TENM4: variants seen among roughly 807,000 people sequenced by gnomAD.
The protein encoded by TENM4 is teneurin transmembrane protein 4.
In TENM4, 82 loss-of-function variants were observed where a neutral mutation model predicts 243.3. That is an observed-to-expected ratio of 0.34 (90% CI 0.28 to 0.40). The LOEUF (loss-of-function observed/expected upper bound fraction) is 0.40. Among genes scored for constraint, TENM4 ranks in the 10% least tolerant of loss-of-function variants. The probability of loss-of-function intolerance (pLI) is 1.00; values close to 1 mark genes in which losing one functional copy is unlikely to be tolerated. For synonymous variants in TENM4, 1,412 were observed against 1,456.3 expected, an observed-to-expected ratio of 0.97 and a Z score of 0.69; for missense variants, 3,138 against 3,673.3, an observed-to-expected ratio of 0.85 and a Z score of 3.77.
At chr11:78,693,194 G>A (rs1489963812) in intron 28 of TENM4, among the ~76,000 whole-genome samples, 2 of 152,164 alleles carry the variant, frequency 1.3e-5, no homozygotes, top group African/African-American at 4.8e-5. Flanking sequence ...GCCTTTCCTT[G>A]TCCAAATGAG....
chr11:79,327,042 G>A (rs1435704107), intron 1 of TENM4, among the ~76,000 whole-genome samples: 1 of 152,084 alleles, frequency 6.6e-6, no homozygotes, highest in Non-Finnish European at 1.5e-5. Context: ...TAAATATATG[G>A]TTTGCCCTGA....
intron 30 of TENM4, among the ~76,000 whole-genome samples, chr11:78,675,342 A>G (rs1367508971): frequency 6.6e-6 from 1 of 152,224 alleles, no homozygotes; most frequent in Non-Finnish European, 1.5e-5. Context: ...CTGGAATGTT[A>G]GGAACATGTA....
At chr11:79,234,418 T>C (rs1864426679) in intron 2 of TENM4, among the ~76,000 whole-genome samples, 1 of 152,208 alleles carries the variant, frequency 6.6e-6, no homozygotes, top group African/African-American at 2.4e-5. Context: ...CTTATGTCAG[T>C]TCTTACTGGC....
chr11:79,055,367 G>C (rs1051180504), intron 6 of TENM4, among the ~76,000 whole-genome samples: 34 of 152,102 alleles, frequency 2.2e-4, no homozygotes, highest in South Asian at 8.3e-4. Context: ...TCAGCTTCCT[G>C]AGTAGCTGGG....
intron 2 of TENM4, among the ~76,000 whole-genome samples, chr11:79,229,620 C>T (rs1399763936): frequency 6.6e-6 from 1 of 152,158 alleles, no homozygotes; most frequent in Non-Finnish European, 1.5e-5. Flanking sequence ...TTCTTAACCA[C>T]CCTGCTTACC....
At chr11:79,197,246 G>T (rs1012908699) in intron 3 of TENM4, among the ~76,000 whole-genome samples, 4 of 152,130 alleles carry the variant, frequency 2.6e-5, no homozygotes, top group African/African-American at 9.7e-5. Context: ...CCATTTGAGC[G>T]GGGAGAAAAC....
intron 17 of TENM4, among the ~76,000 whole-genome samples, chr11:78,775,015 T>C (rs150120104): frequency 0.011 from 1,688 of 152,354 alleles, 27 homozygotes; most frequent in African/African-American, 0.039. Flanking sequence ...AGTAGTTCTA[T>C]GAGGTCCTCA....
At chr11:79,235,369 G>A (rs1459619130) in intron 2 of TENM4, among the ~76,000 whole-genome samples, 1 of 152,114 alleles carries the variant, frequency 6.6e-6, no homozygotes, top group East Asian at 1.9e-4. Flanking sequence ...TGAGAGACAG[G>A]GTGGCCCCCC....
intron 19 of TENM4, among the ~76,000 whole-genome samples, chr11:78,750,849 T>TTGTGTGTGTGTGTGTGTGTG (rs72172542): frequency 6.9e-6 from 1 of 145,710 alleles, no homozygotes; most frequent in African/African-American, 2.5e-5. Flanking sequence ...CAAATGAGGC[T>TTGTGTGTGTGTGTGTGTGTG]TGTGTGTGTG....
intron 6 of TENM4, among the ~76,000 whole-genome samples, chr11:78,974,249 C>A (rs1857603731): frequency 3.9e-5 from 6 of 152,152 alleles, no homozygotes; most frequent in Admixed American, 2.6e-4. Context: ...GACCTAATGA[C>A]CTCCTAATAA....
chr11:79,107,040 T>G (rs1443148373), intron 4 of TENM4, among the ~76,000 whole-genome samples: 1 of 152,178 alleles, frequency 6.6e-6, no homozygotes, highest in African/African-American at 2.4e-5. Context: ...TGCTTCATCA[T>G]CAGTACAATC....
intron 20 of TENM4, among the ~76,000 whole-genome samples, chr11:78,736,488 G>GCGCGCGCGCGCGCA (rs1565356367): frequency 8.0e-5 from 12 of 149,530 alleles, no homozygotes; most frequent in African/African-American, 2.9e-4. Flanking sequence ...GTGCGCGCGC[G>GCGCGCGCGCGCGCA]TGCATGTGAG....
intron 6 of TENM4, among the ~76,000 whole-genome samples, chr11:79,045,152 A>G (rs1412231995): frequency 6.6e-6 from 1 of 152,098 alleles, no homozygotes; most frequent in Non-Finnish European, 1.5e-5. Context: ...ACTTTAAAAC[A>G]TGGCTGGAGG....
At chr11:79,073,938 T>C (rs1406287714) in intron 4 of TENM4, among the ~76,000 whole-genome samples, 1 of 151,668 alleles carries the variant, frequency 6.6e-6, no homozygotes, top group Non-Finnish European at 1.5e-5. Context: ...CAGAAGCATA[T>C]GTAAATAAGG....
chr11:79,110,078 T>C (rs1350095334), intron 4 of TENM4, among the ~76,000 whole-genome samples: 1 of 152,208 alleles, frequency 6.6e-6, no homozygotes, highest in African/African-American at 2.4e-5. Context: ...ATATCATCCC[T>C]TCTATAAAGT....
Position 78,720,533 on chromosome 11 carries a change from C to T in TENM4, c.3801-143G>A, listed in dbSNP as rs1011478289. The stretch of plus-strand genomic sequence containing the variant: ...AAATAAAGACTTAGCAGCTGTGACA[C>T]TGATGTATTTTATATTGGATATTAC... On this transcript the variant is annotated intron_variant, in intron 24 of 33. Coordinates refer to ENST00000278550, the MANE Select transcript of TENM4 (RefSeq NM_001098816.3). 7.8e-5 allele frequency: 64 copies of T among 819,330 alleles called. No homozygotes were observed. In the African/African-American group the frequency reaches 9.3e-4, roughly 12 times the overall value. 50.8% of individuals were successfully genotyped at this position (819,330 alleles called of 1,614,324 possible). A position where few individuals can be genotyped will look rare whatever the true frequency, so the allele number is the denominator to read the frequency against.
chr11:79,281,791 C>A (rs1856161557), intron 2 of TENM4, among the ~76,000 whole-genome samples: 1 of 152,230 alleles, frequency 6.6e-6, no homozygotes, highest in Non-Finnish European at 1.5e-5. Context: ...AGGTCCCAAA[C>A]CATTAAAACC....
rs1291047248 is a variant in TENM4 at position 79,283,707 on chromosome 11, C to T, written c.-265+13781G>A. On this transcript the variant is annotated intron_variant, in intron 2 of 33. Transcript: ENST00000278550. ...TGAATACTGTACTGGAGGTTCTAACCAGGAAAATTAGTTAACAAAAAGAAA... is the reference window on the plus strand; with the variant it reads ...TGAATACTGTACTGGAGGTTCTAACTAGGAAAATTAGTTAACAAAAAGAAA... Among the ~76,000 whole-genome samples the T allele has an allele frequency of 2.0e-5, 3 of 152,014 alleles. No individual in the cohort carries two copies. In the East Asian group the frequency reaches 5.8e-4, roughly 29 times the overall value.
chr11:79,174,896 G>A (rs1863126891), intron 3 of TENM4, among the ~76,000 whole-genome samples: 1 of 152,126 alleles, frequency 6.6e-6, no homozygotes, highest in African/African-American at 2.4e-5. Context: ...CCTTAATCCT[G>A]CTCATACTTT....
Sources: allele counts gnomAD v4.1 joint callset (sites outside exome capture counted in the v4.1 genomes callset), GRCh38; gene constraint gnomAD v4.1.1; transcripts MANE v1.5; gene names NCBI Gene and HGNC (gene_info 2026-07-23, HGNC 2026-07-21).